The following NR0B1 variants were observed in gnomAD, a reference collection of about 807,000 sequenced individuals.
The protein encoded by NR0B1 is nuclear receptor subfamily 0 group B member 1.
In NR0B1, 3 loss-of-function variants were observed where a neutral mutation model predicts 23.0. The ratio of observed to expected loss-of-function variants is 0.13; its 90% CI spans 0.06 to 0.34. NR0B1 has a LOEUF of 0.34. Ranked by LOEUF, NR0B1 falls within the 10% of genes least tolerant of loss-of-function variation. The pLI, the probability that NR0B1 is intolerant of heterozygous loss-of-function variation, is 1.00. For missense variants in NR0B1, 350 were observed against 402.9 expected, an observed-to-expected ratio of 0.87 and a Z score of 1.12; for synonymous variants, 205 against 184.0, an observed-to-expected ratio of 1.11 and a Z score of -0.92.
At position 30,309,222 on chromosome X, in the gene NR0B1, C is replaced by G. The variant is rs374842782; in HGVS notation, c.142G>C (p.Gly48Arg). 4 of 1,169,147 alleles carry G rather than the reference C, an allele frequency of 3.4e-6. No individual in the cohort carries two copies. The highest frequency in any genetic ancestry group is 4.6e-6 in the Non-Finnish European group (4 of 865,064). ...CWGCSCGDEP[G>R]VGREGLLGGR... ...CCCAGCAGCCCCTCTCTGCCCACCC[C>G]GGGCTCATCGCCGCACGAACAGCCC... The change falls in exon 1 of 2, where the codon GGG (glycine) becomes CGG (arginine). Residue 48 changes from glycine (G) to arginine (R), a missense_variant. This residue lies in a region of NR0B1 where 298 missense variants were observed against 314.0 expected (regional missense o/e 0.95). Transcript: ENST00000378970.
intron 1 of NR0B1, among the ~76,000 whole-genome samples, chrX:30,306,276 AC>A (rs984667599): frequency 9.0e-6 from 1 of 110,728 alleles, no homozygotes; most frequent in Non-Finnish European, 1.9e-5. Context: ...CCTTCTCCCC[AC>A]CCAAGTGGTT....
At position 30,308,785 on chromosome X, in the gene NR0B1, C is replaced by T. The variant is rs1303050999; in HGVS notation, c.579G>A (p.Thr193=). ...AAAAGCAGCAGCGGTACAGAAGCGC[C>T]GTGGCCCGCCCGCCTGGTAGCGCCT... ...GKEALPGGRA[T]ALLYRCCFCG... is the part of the protein sequence containing the mutation. Residue 193 remains threonine (T), a synonymous_variant, in exon 1 of 2, where the codon ACG becomes ACA. Coordinates refer to ENST00000378970, the MANE Select transcript of NR0B1 (RefSeq NM_000475.5). The T allele has an allele frequency of 2.5e-6, 3 of 1,196,020 alleles. No individual in the cohort carries two copies. The highest frequency in any genetic ancestry group is 1.1e-6 in the Non-Finnish European group (1 of 888,148).
chrX:30,308,291 A>G lies in NR0B1; in HGVS notation c.1073T>C (p.Val358Ala). 8.3e-7 allele frequency: 1 copy of G among 1,210,893 alleles called. No individual in the cohort carries two copies. Among genetic ancestry groups the G allele is most frequent in the South Asian group, 1.8e-5 (1 of 56,956 alleles). ...GGAAAGAAAGCACTTGATGGCTTGG[A>G]CCTGGGAGGCGGAGGGCACCTTCCT... ...EARKVPSASQVQAIKCFLSKC... is the reference protein window; with the variant it reads ...EARKVPSASQAQAIKCFLSKC... Residue 358 changes from valine to alanine, a missense_variant, in exon 1 of 2, where the codon GTC becomes GCC. Physicochemically the swap from Val to Ala is moderately conservative, Grantham distance 64. This residue lies in a region of NR0B1 where 298 missense variants were observed against 314.0 expected (regional missense o/e 0.95). Transcript: ENST00000378970.
Position 30,308,863 on chromosome X carries a change from T to A in NR0B1, c.501A>T (p.Pro167=). ...HVAPAAPEAR[P]GGAWWDRSYF... is the part of the protein sequence containing the mutation. Reference sequence around the variant, plus strand: ...AGGAGCGGTCCCACCACGCGCCCCCTGGCCGTGCCTCGGGCGCTGCCGGAG... The same window carrying A: ...AGGAGCGGTCCCACCACGCGCCCCCAGGCCGTGCCTCGGGCGCTGCCGGAG... Residue 167 remains proline (P), a synonymous_variant, in exon 1 of 2, where the codon CCA becomes CCT. Transcript: ENST00000378970. 1 of 1,170,872 alleles carries A rather than the reference T, an allele frequency of 8.5e-7. No individual in the cohort carries two copies. The highest frequency in any genetic ancestry group is 1.1e-6 in the Non-Finnish European group (1 of 875,749).
Position 30,308,566 on chromosome X carries a change from C to G in NR0B1, c.798G>C (p.Leu266=), listed in dbSNP as rs149500531. The change falls in exon 1 of 2, where the codon CTG becomes CTC. Residue 266 remains leucine, a synonymous_variant. Coordinates refer to ENST00000378970, the MANE Select transcript of NR0B1 (RefSeq NM_000475.5). ...AGCAGGGCAAGTACTTGACGAAGCG[C>G]AGCGTCTTCAACAGGCCCGCTGAGG... ...EAASAGLLKT[L]RFVKYLPCFQ... The G allele has an allele frequency of 7.5e-6, 9 of 1,206,485 alleles. No individual in the cohort carries two copies. The highest frequency in any genetic ancestry group is 8.9e-6 in the Non-Finnish European group (8 of 894,027).
intron 1 of NR0B1, among the ~76,000 whole-genome samples, chrX:30,307,832 G>A (rs1926550519): frequency 8.9e-6 from 1 of 112,330 alleles, no homozygotes; most frequent in African/African-American, 3.2e-5. Flanking sequence ...AGAATCTTCA[G>A]TGAGCAAAAA....
At position 30,308,182 on chromosome X, in the gene NR0B1, G is replaced by GC. The variant is rs751267652; in HGVS notation, c.1168+13dup. Reference sequence around the variant, plus strand: ...GAGCTGGGAAAAGCCGGCGCCTAAGGCCAGTACCCTTACCCGGGTTAAAGA... The same window carrying GC: ...GAGCTGGGAAAAGCCGGCGCCTAAGGCCCAGTACCCTTACCCGGGTTAAAGA... On this transcript the variant is annotated intron_variant, in intron 1 of 1. Coordinates refer to ENST00000378970, the MANE Select transcript of NR0B1 (RefSeq NM_000475.5). 65 of 1,194,293 alleles carry GC rather than the reference G, an allele frequency of 5.4e-5. No homozygotes were observed. The highest frequency in any genetic ancestry group is 6.9e-5 in the Non-Finnish European group (61 of 880,671).
At chrX:30,308,146 G>T in intron 1 of NR0B1, 50 bp downstream of exon 1, 1 of 1,059,801 alleles carries the variant, frequency 9.4e-7, no homozygotes, top group Non-Finnish European at 1.3e-6. Context: ...GGCACTGCCC[G>T]ATGCTTTTGT....
Position 30,304,359 on chromosome X carries a change from G to T in NR0B1, c.*220C>A. ...CTATTTTTTTTTTAAAAGATGTACAGAGCTATGCTACCTGTTGGCAAATGT... is the reference window on the plus strand; with the variant it reads ...CTATTTTTTTTTTAAAAGATGTACATAGCTATGCTACCTGTTGGCAAATGT... On this transcript the variant is annotated 3_prime_UTR_variant, in exon 2 of 2. Transcript: ENST00000378970. 1 of 385,110 alleles carries T rather than the reference G, an allele frequency of 2.6e-6. No homozygotes were observed. The highest frequency in any genetic ancestry group is 4.5e-6 in the Non-Finnish European group (1 of 222,449). 31.7% of individuals were successfully genotyped at this position (385,110 alleles called of 1,213,427 possible).
chrX:30,306,691 G>C (rs2147005394), intron 1 of NR0B1, among the ~76,000 whole-genome samples: 2 of 110,641 alleles, frequency 1.8e-5, no homozygotes, highest in East Asian at 5.7e-4. Flanking sequence ...TGGAAGCTGA[G>C]CCCCTCTCAC....
rs768701689 is a variant in NR0B1, at chrX:30,308,395, G to A, written c.969C>T (p.Thr323=). 2.5e-6 allele frequency: 3 copies of A among 1,207,953 alleles called. No individual in the cohort carries two copies. The highest frequency in any genetic ancestry group is 3.4e-6 in the Non-Finnish European group (3 of 893,318). The change falls in exon 1 of 2, where the codon ACC becomes ACT. Residue 323 remains threonine (T), a synonymous_variant. Transcript: ENST00000378970. The part of the protein sequence containing the change: ...EPSMLQKILT[T]RRRETGGNEP... ...CGTTGCCCCCGGTCTCCCGCCGCCT[G>A]GTGGTGAGGATCTTCTGCAGCATGC...
rs1463997279 is a variant in NR0B1 at position 30,308,359 on chromosome X, G to A, written c.1005C>T (p.Pro335=). ...RRETGGNEPL[P]VPTLQHHLAP... is the part of the protein sequence containing the mutation. ...CCAAATGGTGCTGCAGCGTGGGCAC[G>A]GGCAGTGGCTCGTTGCCCCCGGTCT... Residue 335 remains proline, a synonymous_variant, in exon 1 of 2, where the codon CCC becomes CCT. Transcript: ENST00000378970. 9 of 1,211,257 alleles carry A rather than the reference G, an allele frequency of 7.4e-6. No individual in the cohort carries two copies. In the South Asian group the frequency reaches 1.1e-4, roughly 14 times the overall value.
At chrX:30,307,088 G>A (rs1926534409) in intron 1 of NR0B1, among the ~76,000 whole-genome samples, 1 of 111,979 alleles carries the variant, frequency 8.9e-6, no homozygotes. Context: ...ATGCTAGGCA[G>A]GGGGCAGGGA....
chrX:30,305,904 A>G (rs778766635), intron 1 of NR0B1: 3 of 400,523 alleles, frequency 7.5e-6, no homozygotes, highest in African/African-American at 5.2e-5. Flanking sequence ...GCCAATCATC[A>G]CAGAGCAGCA....
rs377631205 is a variant in NR0B1, at chrX:30,308,602, G to C, written c.762C>G (p.Val254=). The C allele has an allele frequency of 3.3e-6, 4 of 1,207,211 alleles. No individual in the cohort carries two copies. The African/African-American group carries it at 7.0e-5, about 21-fold the overall frequency. Residue 254 remains valine, a synonymous_variant, in exon 1 of 2, where the codon GTC becomes GTG. Coordinates refer to ENST00000378970, the MANE Select transcript of NR0B1 (RefSeq NM_000475.5). ...ACAGGCCCGCTGAGGCTGCCTCGCAGACCACCTGTGGACTCTTGAGCGCCA... is the reference window on the plus strand; with the variant it reads ...ACAGGCCCGCTGAGGCTGCCTCGCACACCACCTGTGGACTCTTGAGCGCCA... ...RPVALKSPQV[V]CEAASAGLLK...
At chrX:30,305,944 G>A in intron 1 of NR0B1, 3 of 346,788 alleles carry the variant, frequency 8.7e-6, no homozygotes, top group Non-Finnish European at 5.1e-6. Flanking sequence ...AAATAATAAT[G>A]GTAATAAGCG....
chrX:30,307,714 A>G (rs1023610478), intron 1 of NR0B1, among the ~76,000 whole-genome samples: 4 of 111,367 alleles, frequency 3.6e-5, no homozygotes, highest in Non-Finnish European at 7.5e-5. Context: ...TAGTCTCTCT[A>G]TGGGACCCTT....
In NR0B1 at chrX:30,305,924, T is replaced by C. The variant is rs1926510088; in HGVS notation, c.1169-1101A>G. The C allele has an allele frequency of 1.1e-5, 4 of 365,497 alleles. No individual in the cohort carries two copies. In the East Asian group the frequency reaches 1.4e-4, roughly 12 times the overall value. The allele number at this position is 365,497 out of a possible 1,213,427, so 30.1% of individuals were successfully genotyped here. A position where few individuals can be genotyped will look rare whatever the true frequency, so the allele number is the denominator to read the frequency against. On this transcript the variant is annotated intron_variant, in intron 1 of 1. Transcript: ENST00000378970. Reference sequence around the variant, plus strand: ...TCATCACAGAGCAGCAGAACCAGTGTTCTTTAAAAAAATAATAATGGTAAT... The same window carrying C: ...TCATCACAGAGCAGCAGAACCAGTGCTCTTTAAAAAAATAATAATGGTAAT...
At chrX:30,307,327 C>T (rs1926539323) in intron 1 of NR0B1, among the ~76,000 whole-genome samples, 1 of 111,603 alleles carries the variant, frequency 9.0e-6, no homozygotes, top group African/African-American at 3.3e-5. Context: ...GTGTCCAGCA[C>T]CCAACAGACA....
Sources: allele counts gnomAD v4.1 joint callset (sites outside exome capture counted in the v4.1 genomes callset), GRCh38; gene constraint gnomAD v4.1.1; regional missense constraint gnomAD v4.1.1; transcripts MANE v1.5; gene names NCBI Gene and HGNC (gene_info 2026-07-23, HGNC 2026-07-21).